MAML2: variants seen among roughly 807,000 people sequenced by gnomAD.
The protein encoded by MAML2 is mastermind-like protein 2.
Under a neutral mutation model 96.1 loss-of-function variants are expected in MAML2, and 22 were observed. That is an observed-to-expected ratio of 0.23 (90% CI 0.16 to 0.33). The LOEUF is 0.33. Among genes scored for constraint, MAML2 ranks in the 10% least tolerant of loss-of-function variants. MAML2 has a pLI of 1.00. For synonymous variants in MAML2, 561 were observed against 521.3 expected (o/e 1.08, Z -1.04); for missense variants, 1,367 against 1,392.4 (o/e 0.98, Z 0.29).
chr11:96,090,693 ACTT>A (rs1294539551), intron 2 of MAML2, among the ~76,000 whole-genome samples: 1 of 152,218 alleles, frequency 6.6e-6, no homozygotes, highest in African/African-American at 2.4e-5. Context: ...TTAAAAACAC[ACTT>A]CTTAAGTAGA....
chr11:96,073,425 A>G (rs1378920758), intron 2 of MAML2, among the ~76,000 whole-genome samples: 1 of 148,512 alleles, frequency 6.7e-6, no homozygotes, highest in Admixed American at 6.9e-5. Flanking sequence ...GATTCACACC[A>G]TTCTCCTGCC....
intron 3 of MAML2, among the ~76,000 whole-genome samples, chr11:95,986,608 T>G (rs903560366): frequency 1.3e-5 from 2 of 152,184 alleles, no homozygotes; most frequent in African/African-American, 4.8e-5. Flanking sequence ...TTTTTTACCT[T>G]CGCATAAACA....
Position 95,979,169 on chromosome 11 carries a change from G to A in MAML2, c.3250C>T (p.Pro1084Ser). 1 of 1,613,972 alleles carries A rather than the reference G, an allele frequency of 6.2e-7. No homozygotes were observed. Reference protein sequence around the residue: ...TGINQPPSLTPSNFPSPNQSS... With the variant: ...TGINQPPSLTSSNFPSPNQSS... The stretch of plus-strand genomic sequence containing the variant: ...TGGTTGGGTGAAGGAAAATTGCTGG[G>A]CGTCAGGGATGGTGGCTGGTTGATG... The change falls in exon 5 of 5, where the codon CCC becomes TCC. Residue 1084 changes from proline to serine, a missense_variant. Transcript: ENST00000524717.
At chr11:96,317,316 C>T (rs950219582) in intron 1 of MAML2, among the ~76,000 whole-genome samples, 2 of 152,156 alleles carry the variant, frequency 1.3e-5, no homozygotes, top group African/African-American at 2.4e-5. Flanking sequence ...AAATACATTT[C>T]ATATCCGACC....
rs1857673209 is a variant in MAML2, at chr11:95,977,958, C to T, written c.*990G>A. On this transcript the variant is annotated 3_prime_UTR_variant, in exon 5 of 5. Transcript: ENST00000524717. The stretch of plus-strand genomic sequence containing the variant: ...CAACCAAAACATGATATTTTCTAAT[C>T]TCGGTTTTCTTCTCCAAACTTCCTT... 9.0e-6 allele frequency: 2 copies of T among 222,624 alleles called. No individual in the cohort carries two copies. The highest frequency in any genetic ancestry group is 1.8e-5 in the Non-Finnish European group (2 of 111,466). 13.8% of individuals were successfully genotyped at this position (222,624 alleles called of 1,614,324 possible). A position where few individuals can be genotyped will look rare whatever the true frequency, so the allele number is the denominator to read the frequency against.
chr11:96,268,586 G>T (rs983192026), intron 1 of MAML2, among the ~76,000 whole-genome samples: 2 of 152,178 alleles, frequency 1.3e-5, no homozygotes, highest in African/African-American at 2.4e-5. Flanking sequence ...TATATGATAT[G>T]GTTTGGCTGT....
Position 96,294,712 on chromosome 11 carries a change from A to G in MAML2, c.513+46671T>C, listed in dbSNP as rs533867909. On this transcript the variant is annotated intron_variant, in intron 1 of 4. Transcript: ENST00000524717. ...AACAAAGAGGTAACATTTATTGAAC[A>G]CTTATGCTAGGGACCATGCTTAATC... Among the ~76,000 whole-genome samples the G allele has an allele frequency of 2.6e-5, 4 of 152,344 alleles. No individual in the cohort carries two copies. The East Asian group carries it at 7.7e-4, about 29-fold the overall frequency.
chr11:96,196,731 T>G (rs1861737702), intron 1 of MAML2, among the ~76,000 whole-genome samples: 2 of 152,246 alleles, frequency 1.3e-5, no homozygotes, highest in Non-Finnish European at 2.9e-5. Context: ...TAAATAAGGC[T>G]AAGCAAAATT....
chr11:96,329,246 T>C (rs1354666657), intron 1 of MAML2, among the ~76,000 whole-genome samples: 1 of 152,156 alleles, frequency 6.6e-6, no homozygotes, highest in Non-Finnish European at 1.5e-5. Context: ...CTCCTATAAA[T>C]GTGTTTCTCA....
intron 1 of MAML2, among the ~76,000 whole-genome samples, chr11:96,112,990 A>C (rs1191840765): frequency 6.6e-6 from 1 of 152,216 alleles, no homozygotes; most frequent in Non-Finnish European, 1.5e-5. Context: ...CATTTGAGTC[A>C]CAGAAAATCA....
chr11:96,021,568 T>C (rs1046924368), intron 2 of MAML2, among the ~76,000 whole-genome samples: 1 of 152,160 alleles, frequency 6.6e-6, no homozygotes, highest in African/African-American at 2.4e-5. Context: ...AATGTGTGTC[T>C]CTCTCTGGCT....
At chr11:96,106,281 A>C (rs978210761) in intron 1 of MAML2, among the ~76,000 whole-genome samples, 1 of 152,242 alleles carries the variant, frequency 6.6e-6, no homozygotes, top group Non-Finnish European at 1.5e-5. Flanking sequence ...TTGAAAAATA[A>C]AACTTTTGGC....
intron 1 of MAML2, among the ~76,000 whole-genome samples, chr11:96,299,750 G>A (rs1863360404): frequency 6.6e-6 from 1 of 152,190 alleles, no homozygotes; most frequent in Non-Finnish European, 1.5e-5. Context: ...GTGCCCTGCT[G>A]CTTAGCACAC....
At chr11:96,319,444 A>G (rs1219727294) in intron 1 of MAML2, among the ~76,000 whole-genome samples, 1 of 152,238 alleles carries the variant, frequency 6.6e-6, no homozygotes, top group African/African-American at 2.4e-5. Context: ...GATAACTGCT[A>G]AAATTAATCT....
At chr11:96,107,058 C>T (rs1217814545) in intron 1 of MAML2, among the ~76,000 whole-genome samples, 1 of 138,900 alleles carries the variant, frequency 7.2e-6, no homozygotes, top group Non-Finnish European at 1.5e-5. Context: ...GAGCCTAATT[C>T]TGATCACTGC....
chr11:96,237,759 C>T (rs1023407364), intron 1 of MAML2, among the ~76,000 whole-genome samples: 2 of 152,148 alleles, frequency 1.3e-5, no homozygotes, highest in South Asian at 2.1e-4. Flanking sequence ...CTTTTATGCA[C>T]GCCTACTTTC....
At chr11:96,056,555 G>A (rs1047539967) in intron 2 of MAML2, among the ~76,000 whole-genome samples, 6 of 152,232 alleles carry the variant, frequency 3.9e-5, no homozygotes, top group African/African-American at 1.4e-4. Context: ...AAAAATGCCT[G>A]ACATCTCCTG....
intron 2 of MAML2, among the ~76,000 whole-genome samples, chr11:96,030,704 A>C (rs1204990314): frequency 6.6e-6 from 1 of 152,200 alleles, no homozygotes. Context: ...CCAGTTCCAG[A>C]GGAAGGCAGT....
At chr11:96,024,923 T>C (rs1451942681) in intron 2 of MAML2, among the ~76,000 whole-genome samples, 6 of 152,190 alleles carry the variant, frequency 3.9e-5, no homozygotes, top group Non-Finnish European at 7.3e-5. Context: ...TGTTCAAAAC[T>C]CTGTTATATG....
Sources: allele counts gnomAD v4.1 joint callset (sites outside exome capture counted in the v4.1 genomes callset), GRCh38; gene constraint gnomAD v4.1.1; transcripts MANE v1.5; gene names NCBI Gene and HGNC (gene_info 2026-07-23, HGNC 2026-07-21).